The following EYA1 variants were observed in gnomAD, a reference collection of about 807,000 sequenced individuals.
EYA1 encodes the protein protein phosphatase EYA1.
A neutral mutation model predicts 82.0 loss-of-function variants in EYA1; 16 were observed. The ratio of observed to expected loss-of-function variants is 0.20; its 90% confidence interval spans 0.13 to 0.30. The LOEUF (loss-of-function observed/expected upper bound fraction) is 0.30, where lower values mean the gene tolerates loss of function less well. Among genes scored for constraint, EYA1 ranks in the 10% least tolerant of loss-of-function variants. EYA1 has a pLI of 1.00. For missense variants in EYA1, 633 were observed against 730.7 expected (o/e 0.87, Z 1.54); for synonymous variants, 261 against 264.4 (o/e 0.99, Z 0.12).
chr8:71,427,978 CA>C (rs66707741), intron 2 of EYA1, among the ~76,000 whole-genome samples: 90,111 of 140,246 alleles, frequency 0.64, 28,610 homozygotes, highest in Non-Finnish European at 0.72. Context: ...GACCTTGTCT[CA>C]AAAAAAAAAA....
At chr8:71,320,560 T>A (rs1822424114) in intron 6 of EYA1, among the ~76,000 whole-genome samples, 1 of 152,132 alleles carries the variant, frequency 6.6e-6, no homozygotes, top group African/African-American at 2.4e-5. Flanking sequence ...TTTTAAAAAT[T>A]CCATTTTAGG....
chr8:71,546,382 G>A (rs1815577095), intron 1 of EYA1, among the ~76,000 whole-genome samples: 1 of 152,104 alleles, frequency 6.6e-6, no homozygotes, highest in South Asian at 2.1e-4. Context: ...TGAAGGTGTT[G>A]GTGTCTCTGA....
intron 9 of EYA1, among the ~76,000 whole-genome samples, chr8:71,281,321 G>A (rs1463441384): frequency 2.0e-5 from 3 of 152,166 alleles, no homozygotes; most frequent in Non-Finnish European, 4.4e-5. Context: ...CACTGCTGAA[G>A]CTCCCTCTGT....
At chr8:71,463,999 CT>C (rs1018684939) in intron 2 of EYA1, among the ~76,000 whole-genome samples, 4 of 152,064 alleles carry the variant, frequency 2.6e-5, no homozygotes, top group Non-Finnish European at 5.9e-5. Flanking sequence ...TCAAATGTGC[CT>C]TTTTGGATCA....
intron 2 of EYA1, among the ~76,000 whole-genome samples, chr8:71,501,936 A>C (rs1278415375): frequency 1.3e-5 from 2 of 152,194 alleles, no homozygotes; most frequent in Non-Finnish European, 2.9e-5. Context: ...GTCTCTTTTA[A>C]CACCATAATT....
upstream of EYA1, among the ~76,000 whole-genome samples, chr8:71,366,379 G>A (rs1827755432): frequency 6.6e-6 from 1 of 152,246 alleles, no homozygotes; most frequent in Non-Finnish European, 1.5e-5. Flanking sequence ...GGTCCTGGAA[G>A]CATATGTTTA....
intron 2 of EYA1, among the ~76,000 whole-genome samples, chr8:71,432,589 C>A: frequency 6.6e-6 from 1 of 152,154 alleles, no homozygotes; most frequent in Non-Finnish European, 1.5e-5. Context: ...TTCCTTTGTG[C>A]TTGGGCATGA....
intron 2 of EYA1, among the ~76,000 whole-genome samples, chr8:71,402,785 A>G (rs1489499640): frequency 6.6e-6 from 1 of 152,206 alleles, no homozygotes; most frequent in East Asian, 1.9e-4. Context: ...ATAACAAAGA[A>G]AGACAAAAAT....
intron 1 of EYA1, among the ~76,000 whole-genome samples, chr8:71,359,869 C>T (rs1827218796): frequency 6.6e-6 from 1 of 152,114 alleles, no homozygotes; most frequent in East Asian, 1.9e-4. Context: ...AAGACAATGG[C>T]AATTTTCTCA....
chr8:71,199,064 A>G lies in EYA1; in HGVS notation c.*276T>C. ...TGCAGGTCCTTTCTTCACAGGTTTG[A>G]ACCGTGTAGTTAATGTGGCAGACAC... is the stretch of plus-strand genomic sequence containing the variant. On this transcript the variant is annotated 3_prime_UTR_variant, in exon 18 of 18. Coordinates refer to ENST00000340726, the MANE Select transcript of EYA1 (RefSeq NM_000503.6). 2.0e-6 allele frequency: 1 copy of G among 502,114 alleles called. No individual in the cohort carries two copies. Among genetic ancestry groups the G allele is most frequent in the Non-Finnish European group, 3.6e-6 (1 of 274,236 alleles). 31.1% of individuals were successfully genotyped at this position (502,114 alleles called of 1,614,324 possible).
Position 71,276,891 on chromosome 8 carries a change from C to T in EYA1, c.827-4994G>A, listed in dbSNP as rs530924552. ...TGACTCAGTTTTTTCATTTGTAAAA[C>T]GGGAATAAATGGGGTAAAATAAAAC... On this transcript the variant is annotated intron_variant, in intron 9 of 17. Transcript: ENST00000340726. 2.0e-4 allele frequency among the ~76,000 whole-genome samples: 30 copies of T among 152,042 alleles called. No homozygotes were observed. The South Asian group carries it at 4.8e-3, about 24-fold the overall frequency.
At chr8:71,422,056 T>C (rs1438309371) in intron 2 of EYA1, among the ~76,000 whole-genome samples, 1 of 152,232 alleles carries the variant, frequency 6.6e-6, no homozygotes, top group East Asian at 1.9e-4. Flanking sequence ...CTTTCAGGTA[T>C]TTTTTAATCA....
intron 11 of EYA1, among the ~76,000 whole-genome samples, chr8:71,254,243 C>T (rs1254028292): frequency 1.9e-5 from 1 of 51,460 alleles, no homozygotes; most frequent in Admixed American, 3.2e-4. Context: ...AAGTCTTGGC[C>T]AAAAAAAAAA....
intron 2 of EYA1, among the ~76,000 whole-genome samples, chr8:71,508,674 C>G (rs977853636): frequency 1.3e-5 from 2 of 152,092 alleles, no homozygotes; most frequent in African/African-American, 4.8e-5. Flanking sequence ...AAGGCACCAT[C>G]CATGAACAAA....
Position 71,322,284 on chromosome 8 carries a change from A to C in EYA1, c.203-16T>G, listed in dbSNP as rs1342337171. 6.2e-7 allele frequency: 1 copy of C among 1,608,066 alleles called. No individual in the cohort carries two copies. Among genetic ancestry groups the C allele is most frequent in the Admixed American group, 1.7e-5 (1 of 60,016 alleles). On this transcript the variant is annotated splice_polypyrimidine_tract_variant and intron_variant, in intron 4 of 17. Transcript: ENST00000340726. Reference sequence around the variant, plus strand: ...CTCCCAATTGCTGGAAAACAAAAACAAAACAAAATAATGCACAATAATCCA... The same window carrying C: ...CTCCCAATTGCTGGAAAACAAAAACCAAACAAAATAATGCACAATAATCCA...
intron 2 of EYA1, among the ~76,000 whole-genome samples, chr8:71,439,933 T>C (rs537397415): frequency 1.3e-5 from 2 of 152,284 alleles, no homozygotes; most frequent in South Asian, 4.1e-4. Flanking sequence ...GCCTGGCATA[T>C]ATTAAATGCT....
chr8:71,283,982 A>G (rs1036400659), intron 9 of EYA1, among the ~76,000 whole-genome samples: 1 of 152,210 alleles, frequency 6.6e-6, no homozygotes, highest in Non-Finnish European at 1.5e-5. Flanking sequence ...CAGGATCTGA[A>G]CCCAGGCCTG....
intron 2 of EYA1, among the ~76,000 whole-genome samples, chr8:71,446,054 T>G (rs535024057): frequency 6.6e-6 from 1 of 152,298 alleles, no homozygotes; most frequent in Admixed American, 6.5e-5. Context: ...TTTTAAAACA[T>G]TTGGCTTTAT....
At chr8:71,219,870 T>C (rs931405229) in intron 12 of EYA1, among the ~76,000 whole-genome samples, 1 of 152,194 alleles carries the variant, frequency 6.6e-6, no homozygotes, top group South Asian at 2.1e-4. Context: ...TCAGACACCA[T>C]CTATCTAGCT....
Sources: allele counts gnomAD v4.1 joint callset (sites outside exome capture counted in the v4.1 genomes callset), GRCh38; gene constraint gnomAD v4.1.1; transcripts MANE v1.5; gene names NCBI Gene and HGNC (gene_info 2026-07-23, HGNC 2026-07-21).